Variants in ITGA2 observed in about 807,000 individuals in gnomAD.
ITGA2 encodes the protein integrin alpha-2.
Under a neutral mutation model 146.3 loss-of-function variants are expected in ITGA2, and 101 were observed. The observed-to-expected ratio is 0.69, with a 90% CI of 0.59 to 0.81. ITGA2 has a LOEUF of 0.81. Among genes scored for constraint, ITGA2 ranks in the 40% least tolerant of loss-of-function variants. The probability of loss-of-function intolerance (pLI) is 0.00; values close to 1 mark genes in which losing one functional copy is unlikely to be tolerated. For missense variants in ITGA2, 1,281 were observed against 1,402.7 expected (o/e 0.91, Z 1.39); for synonymous variants, 477 against 487.1 (o/e 0.98, Z 0.27).
At chr5:53,048,015 AC>A (rs1175277983) in intron 4 of ITGA2, among the ~76,000 whole-genome samples, 3 of 152,206 alleles carry the variant, frequency 2.0e-5, no homozygotes, top group Non-Finnish European at 1.5e-5. Flanking sequence ...TAAATGAGAG[AC>A]AAAAAGTGAA....
Position 52,989,370 on chromosome 5 carries a change from GCTTCT to G in ITGA2, c.-98_-94del. The G allele has an allele frequency of 7.9e-7, 1 of 1,273,250 alleles. No homozygotes were observed. Among genetic ancestry groups the G allele is most frequent in the Non-Finnish European group, 1.1e-6 (1 of 873,306 alleles). The allele number at this position is 1,273,250 out of a possible 1,614,324, so 78.9% of individuals were successfully genotyped here. A position where few individuals can be genotyped will look rare whatever the true frequency, so the allele number is the denominator to read the frequency against. On this transcript the variant is annotated 5_prime_UTR_variant, in exon 1 of 30. Transcript: ENST00000296585. ...GCGGGGGAGAGAAGCCCTCTGGACA[GCTTCT>G]AGAGTGTGCAGGTTCTCGTATCCCT...
intron 27 of ITGA2, among the ~76,000 whole-genome samples, chr5:53,085,972 G>A (rs1193517624): frequency 6.6e-6 from 1 of 152,024 alleles, no homozygotes; most frequent in Non-Finnish European, 1.5e-5. Context: ...GCAGTGGCTT[G>A]ATCTCAGCTC....
Position 53,061,030 on chromosome 5 carries a change from C to T in ITGA2, c.1442C>T (p.Ala481Val), listed in dbSNP as rs1487180489. ...NENGNITVIQ[A>V]HRGDQIGSYF... ...AATGGCAATATCACGGTTATTCAGG[C>T]TCACCGAGGTGACCAGGTAAATCTC... The change falls in exon 12 of 30, where the codon GCT becomes GTT. Residue 481 changes from alanine (A) to valine (V), a missense_variant. By Grantham distance (64) the Ala-to-Val change is moderately conservative (BLOSUM62 0). Around this residue, in one of 3 missense-constraint regions of ITGA2, gnomAD observed 795 missense variants for 841.7 expected, o/e 0.94. Transcript: ENST00000296585. 6.2e-7 allele frequency: 1 copy of T among 1,612,128 alleles called. No individual in the cohort carries two copies. Among genetic ancestry groups the T allele is most frequent in the Non-Finnish European group, 8.5e-7 (1 of 1,178,720 alleles).
chr5:53,078,613 A>G (rs570702842), intron 23 of ITGA2, among the ~76,000 whole-genome samples, 159 bp from the exon 24 acceptor site: 2 of 152,318 alleles, frequency 1.3e-5, no homozygotes, highest in African/African-American at 4.8e-5. Flanking sequence ...ACATTGGACG[A>G]TAAGCCCATA....
chr5:53,074,992 A>T (rs1411497014), intron 21 of ITGA2, 69 bp from the exon 22 acceptor site: 33 of 953,310 alleles, frequency 3.5e-5, no homozygotes, highest in Non-Finnish European at 5.2e-5. Flanking sequence ...TATGAGAAAC[A>T]TTTTTTTTTT....
rs1579920653 is a variant in ITGA2 at position 53,091,951 on chromosome 5, C to T, written c.*1352C>T. 1 of 152,186 alleles carries T rather than the reference C, an allele frequency of 6.6e-6. No individual in the cohort carries two copies. Among genetic ancestry groups the T allele is most frequent in the East Asian group, 1.9e-4 (1 of 5,192 alleles). The allele number at this position is 152,186 out of a possible 1,614,324, so 9.4% of individuals were successfully genotyped here. On this transcript the variant is annotated 3_prime_UTR_variant, in exon 30 of 30. Coordinates refer to ENST00000296585, the MANE Select transcript of ITGA2 (RefSeq NM_002203.4). ...CTGTCTTGTTTCTGAAGTACTTAAA[C>T]TTCCACAAGAGTGAATTTGACCTAG...
intron 24 of ITGA2, among the ~76,000 whole-genome samples, chr5:53,079,983 C>G (rs1745840358): frequency 6.6e-6 from 1 of 152,152 alleles, no homozygotes; most frequent in Admixed American, 6.5e-5. Context: ...TGTGCCAGCA[C>G]ATACATACTG....
At chr5:52,998,819 C>T (rs1443494262) in intron 1 of ITGA2, among the ~76,000 whole-genome samples, 2 of 152,130 alleles carry the variant, frequency 1.3e-5, no homozygotes, top group East Asian at 1.9e-4. Flanking sequence ...AATCTATGAG[C>T]CATGTATGAC....
Position 53,090,502 on chromosome 5 carries a change from T to G in ITGA2, c.3466-17T>G. 1 of 1,612,232 alleles carries G rather than the reference T, an allele frequency of 6.2e-7. No homozygotes were observed. Among genetic ancestry groups the G allele is most frequent in the Admixed American group, 1.7e-5 (1 of 59,996 alleles). On this transcript the variant is annotated splice_polypyrimidine_tract_variant and intron_variant, in intron 29 of 29. Transcript: ENST00000296585. ...TAAGCCACGGGTGGTAACATTCTTATATCATCACCTTTACAGCTCGGCTTC... is the reference window on the plus strand; with the variant it reads ...TAAGCCACGGGTGGTAACATTCTTAGATCATCACCTTTACAGCTCGGCTTC...
chr5:53,031,293 A>G (rs752516270), intron 2 of ITGA2, among the ~76,000 whole-genome samples: 5 of 152,248 alleles, frequency 3.3e-5, no homozygotes, highest in African/African-American at 1.2e-4. Flanking sequence ...TGGATTTATC[A>G]TGTAATACAT....
In ITGA2 at chr5:52,989,427, C is replaced by T; in HGVS notation, c.-42C>T. ...GGCCAAGGGTATCCTCTGCAAACCT[C>T]TGCAAACCCAGCGCAACTACGGTCC... On this transcript the variant is annotated 5_prime_UTR_variant, in exon 1 of 30. Coordinates refer to ENST00000296585, the MANE Select transcript of ITGA2 (RefSeq NM_002203.4). 2 of 1,610,474 alleles carry T rather than the reference C, an allele frequency of 1.2e-6. No homozygotes were observed. The highest frequency in any genetic ancestry group is 1.7e-6 in the Non-Finnish European group (2 of 1,176,670).
At position 53,060,007 on chromosome 5, in the gene ITGA2, A is replaced by G. The variant is rs773914836; in HGVS notation, c.1307A>G (p.Tyr436Cys). 13 of 1,612,042 alleles carry G rather than the reference A, an allele frequency of 8.1e-6. No individual in the cohort carries two copies. Among genetic ancestry groups the G allele is most frequent in the African/African-American group, 2.7e-5 (2 of 74,796 alleles). Residue 436 changes from tyrosine (Y) to cysteine (C), a missense_variant, in exon 11 of 30, where the codon TAT becomes TGT. By Grantham distance (194) the Tyr-to-Cys change is radical. Around this residue, in one of 3 missense-constraint regions of ITGA2, gnomAD observed 795 missense variants for 841.7 expected, o/e 0.94. Transcript: ENST00000296585. ...QILQDRNHSS[Y>C]LGYSVAAIST... is the part of the protein sequence containing the mutation. ...CTGCAGGACAGAAATCACAGTTCATATTTAGGTAAGGCATGGTAATAATTG... is the reference window on the plus strand; with the variant it reads ...CTGCAGGACAGAAATCACAGTTCATGTTTAGGTAAGGCATGGTAATAATTG...
chr5:53,080,426 C>A, intron 24 of ITGA2, 85 bp from the exon 25 acceptor site: 1 of 1,004,926 alleles, frequency 1.0e-6, no homozygotes, highest in Non-Finnish European at 1.6e-6. Context: ...TCGTAGTTGC[C>A]CTTCATCAAC....
chr5:53,044,885 T>C lies in ITGA2; in HGVS notation c.296-116T>C, dbSNP rs961291469. The stretch of plus-strand genomic sequence containing the variant: ...TCATTATATAACTCAAGTACCTATA[T>C]TGATGACACTAAATTCAATGCTACA... On this transcript the variant is annotated intron_variant, in intron 3 of 29. Coordinates refer to ENST00000296585, the MANE Select transcript of ITGA2 (RefSeq NM_002203.4). The C allele has an allele frequency of 3.4e-5, 25 of 741,720 alleles. No homozygotes were observed. The African/African-American group carries it at 3.7e-4, about 11-fold the overall frequency. The allele number at this position is 741,720 out of a possible 1,614,324, so 45.9% of individuals were successfully genotyped here. A position where few individuals can be genotyped will look rare whatever the true frequency, so the allele number is the denominator to read the frequency against.
chr5:53,044,387 G>C (rs937171894), intron 3 of ITGA2, among the ~76,000 whole-genome samples: 6 of 150,922 alleles, frequency 4.0e-5, no homozygotes, highest in Admixed American at 3.3e-4. Flanking sequence ...GGCAATGATA[G>C]CTTGGCAGAG....
intron 1 of ITGA2, among the ~76,000 whole-genome samples, chr5:53,019,991 A>T (rs1742593990): frequency 1.3e-5 from 2 of 152,246 alleles, no homozygotes; most frequent in Non-Finnish European, 2.9e-5. Context: ...TAGAAAAAAC[A>T]GTATATACCA....
chr5:53,026,954 C>A, intron 2 of ITGA2, 86 bp downstream of exon 2: 2 of 1,194,002 alleles, frequency 1.7e-6, no homozygotes, highest in East Asian at 2.5e-5. Context: ...AAATTGGTGC[C>A]TGACTGTACT....
At chr5:53,012,696 G>C (rs559855499) in intron 1 of ITGA2, among the ~76,000 whole-genome samples, 1 of 152,252 alleles carries the variant, frequency 6.6e-6, no homozygotes, top group East Asian at 1.9e-4. Context: ...CACAATGGTA[G>C]AACTAATTTA....
At chr5:53,024,816 C>A (rs1273362427) in intron 1 of ITGA2, among the ~76,000 whole-genome samples, 1 of 152,148 alleles carries the variant, frequency 6.6e-6, no homozygotes, top group African/African-American at 2.4e-5. Context: ...GAAGTGAAGT[C>A]AGAAAGATAC....
Sources: gnomAD v4.1 joint callset for allele counts (sites outside exome capture counted in the v4.1 genomes callset) on GRCh38, gnomAD v4.1.1 for gene constraint, gnomAD v4.1.1 regional missense constraint, MANE v1.5 for transcripts, NCBI Gene and HGNC (gene_info 2026-07-23, HGNC 2026-07-21) for gene names.